The following GPM6B variants were observed in gnomAD, a reference collection of about 807,000 sequenced individuals.
The protein encoded by GPM6B is glycoprotein M6B.
Under a neutral mutation model 27.2 loss-of-function variants are expected in GPM6B, and 4 were observed. The ratio of observed to expected loss-of-function variants is 0.15; its 90% CI spans 0.07 to 0.34. The LOEUF is 0.34. GPM6B is among the 10% of genes least tolerant of loss of function. The probability of loss-of-function intolerance (pLI) is 1.00; values close to 1 mark genes in which losing one functional copy is unlikely to be tolerated. For missense variants in GPM6B, 183 were observed against 261.9 expected, an observed-to-expected ratio of 0.70 and a Z score of 2.08; for synonymous variants, 124 against 103.1, an observed-to-expected ratio of 1.20 and a Z score of -1.23.
At chrX:13,856,866 C>A (rs1173175592) in intron 1 of GPM6B, among the ~76,000 whole-genome samples, 2 of 110,465 alleles carry the variant, frequency 1.8e-5, no homozygotes, top group Non-Finnish European at 3.8e-5. Context: ...TGCCCAGCTA[C>A]TTTTTGTATA....
At chrX:13,847,139 A>G (rs1210793345) in intron 1 of GPM6B, among the ~76,000 whole-genome samples, 1 of 111,776 alleles carries the variant, frequency 8.9e-6, no homozygotes, top group Non-Finnish European at 1.9e-5. Flanking sequence ...TTATGAAATC[A>G]TTAGAGATGA....
intron 7 of GPM6B, chrX:13,774,477 C>G (rs2048369896): frequency 2.5e-6 from 3 of 1,199,352 alleles, no homozygotes; most frequent in East Asian, 3.0e-5. Flanking sequence ...CTAGACTCTG[C>G]TTTAGTCTGG....
intron 1 of GPM6B, among the ~76,000 whole-genome samples, chrX:13,885,353 TCAAATAGATGTTCAGGAAGTTTAA>T (rs372457975): frequency 1.4e-4 from 16 of 112,683 alleles, no homozygotes; most frequent in African/African-American, 5.1e-4. Context: ...TCTTAGCTGT[TCAAATAGATGTTCAGGAAGTTTAA>T]GCTCAATCTC....
intron 2 of GPM6B, among the ~76,000 whole-genome samples, chrX:13,795,752 T>C (rs1409832876): frequency 9.7e-6 from 1 of 103,206 alleles, no homozygotes; most frequent in African/African-American, 3.5e-5. Context: ...CTTTTTTTTT[T>C]TTTTTTTTTA....
Position 13,796,107 on chromosome X carries a change from T to C in GPM6B, c.182-10299A>G, listed in dbSNP as rs747829674. Among the ~76,000 whole-genome samples the C allele has an allele frequency of 3.6e-5, 4 of 111,315 alleles. No homozygotes were observed. The South Asian group carries it at 1.5e-3, about 42-fold the overall frequency. ...ATGCTGGCTAATTTTGTATTTTTAG[T>C]AGAGACGGGGTTTCTCCATGTTGGT... is the stretch of plus-strand genomic sequence containing the variant. On this transcript the variant is annotated intron_variant, in intron 2 of 7. Coordinates refer to ENST00000316715, the MANE Select transcript of GPM6B (RefSeq NM_001001995.3).
At chrX:13,849,151 C>G (rs995900934) in intron 1 of GPM6B, among the ~76,000 whole-genome samples, 3 of 112,157 alleles carry the variant, frequency 2.7e-5, no homozygotes, top group Non-Finnish European at 3.8e-5. Context: ...TACCCAAATA[C>G]AATTGTTTAA....
At chrX:13,917,949 C>T (rs1475614824) in intron 1 of GPM6B, among the ~76,000 whole-genome samples, 1 of 112,299 alleles carries the variant, frequency 8.9e-6, no homozygotes, top group East Asian at 2.8e-4. Context: ...GCAAAAGTAG[C>T]GACATTTAGA....
intron 1 of GPM6B, among the ~76,000 whole-genome samples, chrX:13,904,633 C>T (rs1393085221): frequency 9.0e-6 from 1 of 111,317 alleles, no homozygotes; most frequent in Admixed American, 9.6e-5. Flanking sequence ...CGTTTACTTG[C>T]AACAGATATT....
chrX:13,865,763 A>C (rs979235831), intron 1 of GPM6B, among the ~76,000 whole-genome samples: 1 of 106,959 alleles, frequency 9.3e-6, no homozygotes, highest in African/African-American at 3.4e-5. Context: ...TCTCAAAAAG[A>C]AAAAGTAAAA....
At chrX:13,792,023 G>A (rs1272277770) in intron 2 of GPM6B, among the ~76,000 whole-genome samples, 2 of 111,515 alleles carry the variant, frequency 1.8e-5, no homozygotes, top group East Asian at 2.8e-4. Context: ...AAGAAAAGAT[G>A]CAGGAACCAA....
intron 6 of GPM6B, 126 bp from the exon 7 acceptor site, chrX:13,776,429 C>A: frequency 2.0e-6 from 1 of 512,334 alleles, no homozygotes; most frequent in Non-Finnish European, 3.2e-6. Context: ...ACAGGCCTGC[C>A]TTCTCTTCAT....
At chrX:13,828,121 A>G (rs1308938318) in intron 1 of GPM6B, among the ~76,000 whole-genome samples, 2 of 111,470 alleles carry the variant, frequency 1.8e-5, no homozygotes, top group Non-Finnish European at 3.8e-5. Flanking sequence ...ATATTTTTCT[A>G]ATCTTTGTAC....
chrX:13,829,106 C>T (rs1165979742), intron 1 of GPM6B, among the ~76,000 whole-genome samples: 2 of 111,879 alleles, frequency 1.8e-5, no homozygotes, highest in African/African-American at 3.3e-5. Context: ...AAGCTTCACT[C>T]AGAATGGCTA....
intron 1 of GPM6B, among the ~76,000 whole-genome samples, chrX:13,843,881 T>TC (rs762188364): frequency 5.3e-4 from 59 of 112,120 alleles, no homozygotes; most frequent in African/African-American, 1.8e-3. Flanking sequence ...CTTGATGGTG[T>TC]CCTTTGCAGC....
chrX:13,920,476 C>A (rs975441785), intron 1 of GPM6B, among the ~76,000 whole-genome samples: 2 of 110,539 alleles, frequency 1.8e-5, no homozygotes, highest in Non-Finnish European at 3.8e-5. Flanking sequence ...ATTTCATAAT[C>A]TGAACCTAAC....
chrX:13,917,687 G>A (rs1204055409), intron 1 of GPM6B, among the ~76,000 whole-genome samples: 1 of 112,387 alleles, frequency 8.9e-6, no homozygotes, highest in East Asian at 2.8e-4. Flanking sequence ...AGGCTCCTGT[G>A]ATGCTGTTAC....
chrX:13,849,782 C>T (rs1226666479), intron 1 of GPM6B, among the ~76,000 whole-genome samples: 1 of 109,728 alleles, frequency 9.1e-6, no homozygotes, highest in Non-Finnish European at 1.9e-5. Flanking sequence ...AATATAGGCC[C>T]GGTGTGGTGG....
intron 1 of GPM6B, among the ~76,000 whole-genome samples, chrX:13,827,271 C>T (rs111227802): frequency 5.4e-4 from 40 of 73,637 alleles, no homozygotes; most frequent in African/African-American, 2.2e-3. Context: ...TACCGACTTC[C>T]TTTTTTTTTT....
upstream of GPM6B, among the ~76,000 whole-genome samples, chrX:13,821,745 C>T (rs772312430): frequency 3.9e-3 from 432 of 110,833 alleles, 2 homozygotes; most frequent in African/African-American, 0.014. Flanking sequence ...TACAGGCATG[C>T]ACCACCACCC....
Sources: gnomAD v4.1 joint callset for allele counts (sites outside exome capture counted in the v4.1 genomes callset) on GRCh38, gnomAD v4.1.1 for gene constraint, MANE v1.5 for transcripts, NCBI Gene and HGNC (gene_info 2026-07-23, HGNC 2026-07-21) for gene names.